ARHGEF7: variants seen among roughly 807,000 people sequenced by gnomAD.
The protein encoded by ARHGEF7 is Rho guanine nucleotide exchange factor 7.
In ARHGEF7, 33 loss-of-function variants were observed where a neutral mutation model predicts 109.8. The ratio of observed to expected loss-of-function variants is 0.30; its 90% CI spans 0.23 to 0.40. The LOEUF is 0.40. Ranked by LOEUF, ARHGEF7 falls within the 10% of genes least tolerant of loss-of-function variation. The pLI, the probability that ARHGEF7 is intolerant of heterozygous loss-of-function variation, is 1.00. For missense variants in ARHGEF7, 938 were observed against 1,098.5 expected (o/e 0.85, Z 2.07); for synonymous variants, 458 against 424.6 (o/e 1.08, Z -0.97).
intron 2 of ARHGEF7, among the ~76,000 whole-genome samples, chr13:111,178,199 C>T (rs971632535): frequency 2.0e-5 from 3 of 152,156 alleles, no homozygotes; most frequent in Non-Finnish European, 4.4e-5. Context: ...TCTTGACAGG[C>T]GCTTGCCCTG....
intron 8 of ARHGEF7, among the ~76,000 whole-genome samples, chr13:111,257,141 T>C (rs533011409): frequency 6.6e-6 from 1 of 152,348 alleles, no homozygotes; most frequent in Middle Eastern, 3.4e-3. Flanking sequence ...AAAGTGGGAT[T>C]TTCCCCCCAC....
chr13:111,117,985 A>ATTCT (rs2066914560), intron 1 of ARHGEF7, among the ~76,000 whole-genome samples: 1 of 152,280 alleles, frequency 6.6e-6, no homozygotes, highest in Non-Finnish European at 1.5e-5. Flanking sequence ...CTTAAAAAGA[A>ATTCT]GCATTTGGAA....
In ARHGEF7 at chr13:111,300,754, G is replaced by C. The variant is rs958551589; in HGVS notation, c.2318G>C (p.Arg773Pro). The stretch of plus-strand genomic sequence containing the variant: ...TATTTTTTCATGATCCTAGGTTCAC[G>C]CAAAGAATCTGCTCCACAAGTTTTG... ...SYRMGSTSRS[R>P]KESAPQVLLP... Residue 773 changes from arginine to proline, a missense_variant, in exon 20 of 22, where the codon CGC becomes CCC. Coordinates refer to ENST00000646102, the MANE Select transcript of ARHGEF7 (RefSeq NM_001354046.2). 6.2e-7 allele frequency: 1 copy of C among 1,604,206 alleles called. No individual in the cohort carries two copies. Among genetic ancestry groups the C allele is most frequent in the East Asian group, 2.2e-5 (1 of 44,664 alleles).
At chr13:111,280,774 T>C in intron 15 of ARHGEF7, 97 bp downstream of exon 15, 1 of 1,339,856 alleles carries the variant, frequency 7.5e-7, no homozygotes, top group Non-Finnish European at 1.0e-6. Flanking sequence ...ACCTAATCAA[T>C]ATTTGGATAA....
chr13:111,222,664 A>G (rs2084614485), intron 5 of ARHGEF7, among the ~76,000 whole-genome samples: 1 of 152,194 alleles, frequency 6.6e-6, no homozygotes, highest in Non-Finnish European at 1.5e-5. Context: ...TCTGACCTCA[A>G]GTGATCCACC....
At chr13:111,201,569 C>G (rs937619462) in intron 2 of ARHGEF7, among the ~76,000 whole-genome samples, 8 of 152,172 alleles carry the variant, frequency 5.3e-5, no homozygotes, top group African/African-American at 1.9e-4. Flanking sequence ...AAGAGTTTTC[C>G]TTGGCAGAAT....
chr13:111,185,911 C>T (rs1298292567), intron 2 of ARHGEF7, among the ~76,000 whole-genome samples: 1 of 149,968 alleles, frequency 6.7e-6, no homozygotes, highest in African/African-American at 2.5e-5. Context: ...TGGTGGGCTC[C>T]GATCTTGGTT....
intron 4 of ARHGEF7, among the ~76,000 whole-genome samples, chr13:111,216,972 G>C (rs1202412340): frequency 6.6e-6 from 1 of 152,220 alleles, no homozygotes; most frequent in Non-Finnish European, 1.5e-5. Context: ...ACGAGGTACT[G>C]TTTCTTGTCA....
At chr13:111,213,224 C>T (rs962989975) in intron 4 of ARHGEF7, among the ~76,000 whole-genome samples, 1 of 151,972 alleles carries the variant, frequency 6.6e-6, no homozygotes, top group African/African-American at 2.4e-5. Context: ...AGAAAGAGGC[C>T]GTTAAGGAGC....
At chr13:111,187,828 G>A (rs1440107517) in intron 2 of ARHGEF7, among the ~76,000 whole-genome samples, 1 of 152,216 alleles carries the variant, frequency 6.6e-6, no homozygotes, top group East Asian at 1.9e-4. Flanking sequence ...GCTAGGCAGA[G>A]TGGCTGTGAC....
At chr13:111,120,463 G>A (rs2067113681) in intron 1 of ARHGEF7, among the ~76,000 whole-genome samples, 1 of 119,922 alleles carries the variant, frequency 8.3e-6, no homozygotes, top group African/African-American at 3.5e-5. Flanking sequence ...GTAAACACAT[G>A]CATGTAAATA....
At position 111,292,371 on chromosome 13, in the gene ARHGEF7, C is replaced by T. The variant is rs1327026833; in HGVS notation, c.2311+77C>T. On this transcript the variant is annotated intron_variant, in intron 19 of 21. Coordinates refer to ENST00000646102, the MANE Select transcript of ARHGEF7 (RefSeq NM_001354046.2). ...TTTTCTTAACAAATGCTTGTTGTATCGCAGCCTGCTTTTCTTAGATGTTTT... is the reference window on the plus strand; with the variant it reads ...TTTTCTTAACAAATGCTTGTTGTATTGCAGCCTGCTTTTCTTAGATGTTTT... 5 of 1,584,906 alleles carry T rather than the reference C, an allele frequency of 3.2e-6. No individual in the cohort carries two copies. In the South Asian group the frequency reaches 3.5e-5, roughly 11 times the overall value.
At chr13:111,209,547 A>G (rs2082258317) in intron 3 of ARHGEF7, among the ~76,000 whole-genome samples, 1 of 152,174 alleles carries the variant, frequency 6.6e-6, no homozygotes, top group Middle Eastern at 3.2e-3. Flanking sequence ...CCGCTCCATA[A>G]TCAAATTTGA....
chr13:111,119,614 C>T (rs1465672081), intron 1 of ARHGEF7, among the ~76,000 whole-genome samples: 3 of 152,166 alleles, frequency 2.0e-5, no homozygotes, highest in Admixed American at 1.3e-4. Flanking sequence ...ACTTTGCTGA[C>T]GTGTGGGTAA....
chr13:111,295,043 T>G, intron 19 of ARHGEF7: 2 of 985,864 alleles, frequency 2.0e-6, no homozygotes, highest in Non-Finnish European at 2.4e-6. Context: ...TGACTACCAT[T>G]TGAAAAACTC....
intron 8 of ARHGEF7, among the ~76,000 whole-genome samples, chr13:111,248,762 T>G (rs1108891): frequency 0.19 from 29,139 of 152,270 alleles, 3,605 homozygotes; most frequent in East Asian, 0.69. Flanking sequence ...ATATTTTTCT[T>G]TATATCCTTT....
At chr13:111,183,640 C>G (rs188874708) in intron 2 of ARHGEF7, among the ~76,000 whole-genome samples, 2 of 152,080 alleles carry the variant, frequency 1.3e-5, no homozygotes, top group African/African-American at 2.4e-5. Context: ...GGATTTTTAC[C>G]TATAAACCCT....
intron 19 of ARHGEF7, chr13:111,293,712 A>G (rs776475649): frequency 1.1e-5 from 11 of 985,316 alleles, no homozygotes; most frequent in Admixed American, 6.2e-5. Context: ...TAAATTGAGA[A>G]TAACATTTTT....
chr13:111,217,932 AGT>A, intron 5 of ARHGEF7, 52 bp downstream of exon 5: 1 of 1,521,284 alleles, frequency 6.6e-7, no homozygotes, highest in East Asian at 2.4e-5. Context: ...AGCAGAAAGA[AGT>A]AAATGTACTT....
Sources: allele counts gnomAD v4.1 joint callset (sites outside exome capture counted in the v4.1 genomes callset), GRCh38; gene constraint gnomAD v4.1.1; transcripts MANE v1.5; gene names NCBI Gene and HGNC (gene_info 2026-07-23, HGNC 2026-07-21).